TTN: variants seen among roughly 807,000 people sequenced by gnomAD.
The protein encoded by TTN is connectin.
Under a neutral mutation model 3,223.0 loss-of-function variants are expected in TTN, and 1,525 were observed. That is an observed-to-expected ratio of 0.47 (90% CI 0.45 to 0.49). The LOEUF is 0.49. Ranked by LOEUF, TTN falls within the 20% of genes least tolerant of loss-of-function variation. TTN has a pLI of 0.00. For synonymous variants in TTN, 14,094 were observed against 15,161.0 expected (o/e 0.93, Z 5.17); for missense variants, 40,786 against 43,424.0 (o/e 0.94, Z 5.40).
Position 178,602,318 on chromosome 2 carries a change from C to G in TTN, c.55084G>C (p.Asp18362His), listed in dbSNP as rs1467267606. Residue 18362 changes from aspartate (D) to histidine (H), a missense_variant, in exon 283 of 363, where the codon GAT (aspartate) becomes CAT (histidine). Transcript: ENST00000589042. ...VNEAGESEPS[D>H]TTGEIPATDI... Reference sequence around the variant, plus strand: ...GTGGCAGGGATCTCCCCAGTTGTATCACTTGGTTCAGATTCACCAGCTTCA... The same window carrying G: ...GTGGCAGGGATCTCCCCAGTTGTATGACTTGGTTCAGATTCACCAGCTTCA... 1.2e-6 allele frequency: 2 copies of G among 1,612,876 alleles called. No homozygotes were observed. The highest frequency in any genetic ancestry group is 2.2e-5 in the South Asian group (2 of 91,036).
intron 159 of TTN, among the ~76,000 whole-genome samples, chr2:178,668,776 T>G (rs997410703): frequency 5.9e-5 from 9 of 151,932 alleles, no homozygotes; most frequent in Non-Finnish European, 1.0e-4. Context: ...TACTGTCACT[T>G]TTACTATTCA....
chr2:178,717,497 T>C (rs2077665954), intron 87 of TTN, 26 bp downstream of exon 87: 3 of 1,572,628 alleles, frequency 1.9e-6, no homozygotes, highest in Admixed American at 1.8e-5. Flanking sequence ...TGCTTTACAA[T>C]GAAGAGGGTA....
intron 330 of TTN, chr2:178,555,447 T>C (rs1396074010): frequency 6.7e-6 from 2 of 297,862 alleles, no homozygotes; most frequent in Non-Finnish European, 1.2e-5. Flanking sequence ...GAGAACATCA[T>C]GGAAGAAGCT....
Position 178,722,550 on chromosome 2 carries a change from T to C in TTN, c.22241-4A>G. 1 of 1,609,114 alleles carries C rather than the reference T, an allele frequency of 6.2e-7. No homozygotes were observed. The highest frequency in any genetic ancestry group is 8.5e-7 in the Non-Finnish European group (1 of 1,177,146). On this transcript the variant is annotated splice_polypyrimidine_tract_variant and splice_region_variant and intron_variant, in intron 76 of 362. Coordinates refer to ENST00000589042, the MANE Select transcript of TTN (RefSeq NM_001267550.2). ...AAAGAAGGTGGGAGTTGGCGCTCTGTAGGGAGACATGTAATACTTAAGGTG... is the reference window on the plus strand; with the variant it reads ...AAAGAAGGTGGGAGTTGGCGCTCTGCAGGGAGACATGTAATACTTAAGGTG...
At position 178,649,812 on chromosome 2, in the gene TTN, A is replaced by G. The variant is rs1371164641; in HGVS notation, c.39895+5T>C. 1 of 1,611,306 alleles carries G rather than the reference A, an allele frequency of 6.2e-7. No homozygotes were observed. The highest frequency in any genetic ancestry group is 1.7e-5 in the Admixed American group (1 of 59,436). The stretch of plus-strand genomic sequence containing the variant: ...AAAATGAAGTATTCATTTTAACATG[A>G]GTACCTTTAGGAGGCGGTGCTTCTG... On this transcript the variant is annotated splice_donor_5th_base_variant and intron_variant, in intron 211 of 362. Transcript: ENST00000589042.
chr2:178,800,257 G>A, intron 4 of TTN, 138 bp downstream of exon 4: 1 of 1,122,034 alleles, frequency 8.9e-7, no homozygotes, highest in East Asian at 2.4e-5. Context: ...CTTTTCATGG[G>A]TGTCGAAAAG....
At chr2:178,666,615 G>A (rs896480935) in intron 163 of TTN, among the ~76,000 whole-genome samples, 3 of 152,106 alleles carry the variant, frequency 2.0e-5, no homozygotes, top group Non-Finnish European at 2.9e-5. Flanking sequence ...TCTTTCATGT[G>A]TATAAGCTAA....
In TTN at chr2:178,592,063, G is replaced by T. The variant is rs1413760246; in HGVS notation, c.59841C>A (p.Tyr19947Ter). 1 of 1,613,052 alleles carries T rather than the reference G, an allele frequency of 6.2e-7. No individual in the cohort carries two copies. Among genetic ancestry groups the T allele is most frequent in the East Asian group, 2.2e-5 (1 of 44,614 alleles). Residue 19947 changes from tyrosine (Y) to a stop codon, truncating the protein, a stop_gained, in exon 302 of 363, where the codon TAC becomes TAA. Coordinates refer to ENST00000589042, the MANE Select transcript of TTN (RefSeq NM_001267550.2). LOFTEE classifies it high-confidence loss of function. The part of the protein sequence containing the change: ...FAKHLNEGNQ[Y>*]LFRVAAENQY... ...GGTTCTCCGCAGCTACTCGGAAGAG[G>T]TACTGGTTGCCTTCATTCAGATGCT...
In TTN at chr2:178,539,813, A is replaced by G. The variant is rs746586029; in HGVS notation, c.98252T>C (p.Ile32751Thr). The stretch of plus-strand genomic sequence containing the variant: ...CTCAGTGTGTGTTTCAGATGTTGCA[A>G]TCATGGCACGCTTACTAATATCCTG... The part of the protein sequence containing the change: ...EGQDISKRAM[I>T]ATSETHTELV... The change falls in exon 352 of 363, where the codon ATT becomes ACT. Residue 32751 changes from isoleucine to threonine, a missense_variant. Coordinates refer to ENST00000589042, the MANE Select transcript of TTN (RefSeq NM_001267550.2). 3.7e-5 allele frequency: 60 copies of G among 1,613,696 alleles called. No individual in the cohort carries two copies. The highest frequency in any genetic ancestry group is 5.3e-5 in the African/African-American group (4 of 74,894).
intron 62 of TTN, 72 bp downstream of exon 62, chr2:178,730,021 T>TCCCCCCCCCCCCCCCCCCCC: frequency 6.4e-7 from 1 of 1,558,146 alleles, no homozygotes. Flanking sequence ...GTCTTAAGCG[T>TCCCCCCCCCCCCCCCCCCCC]CCCCCGCCCC....
rs774116128 is a variant in TTN at position 178,793,442 on chromosome 2, T to A, written c.1498A>T (p.Thr500Ser). 9 of 1,614,164 alleles carry A rather than the reference T, an allele frequency of 5.6e-6. No individual in the cohort carries two copies. Among genetic ancestry groups the A allele is most frequent in the Non-Finnish European group, 7.6e-6 (9 of 1,180,008 alleles). Residue 500 changes from threonine (T) to serine (S), a missense_variant, in exon 9 of 363, where the codon ACC becomes TCC. Transcript: ENST00000589042. The part of the protein sequence containing the change: ...ELKSRTKEVI[T>S]TKQEQMHVTH... ...ACGTGCATCTGCTCTTGCTTTGTGG[T>A]AATTACTTCTTTGGTTCTTGATTTT... is the stretch of plus-strand genomic sequence containing the variant.
At chr2:178,551,281 T>C (rs1367045690) in intron 335 of TTN, 21 bp from the exon 336 acceptor site, 3 of 1,596,126 alleles carry the variant, frequency 1.9e-6, no homozygotes, top group South Asian at 1.1e-5. Flanking sequence ...ATAAGGAAGG[T>C]AAATGCATCA....
Position 178,785,733 on chromosome 2 carries a change from T to G in TTN, c.2380A>C (p.Thr794Pro). ...GMHISSQIKKTTDLTTERLVH... is the reference protein window; with the variant it reads ...GMHISSQIKKPTDLTTERLVH... ...AATCTTTCCGTTGTTAGATCTGTAG[T>G]TTTCTTGATCTGCATTGAAATGAAA... The change falls in exon 15 of 363, where the codon ACT becomes CCT. Residue 794 changes from threonine (T) to proline (P), a missense_variant. Thr to Pro is a conservative substitution (Grantham distance 38). Transcript: ENST00000589042. 3 of 1,614,172 alleles carry G rather than the reference T, an allele frequency of 1.9e-6. No individual in the cohort carries two copies. Among genetic ancestry groups the G allele is most frequent in the Non-Finnish European group, 2.5e-6 (3 of 1,180,006 alleles).
At chr2:178,621,073 A>G (rs1576554206) in intron 246 of TTN, 29 bp downstream of exon 246, 1 of 1,607,738 alleles carries the variant, frequency 6.2e-7, no homozygotes, top group Non-Finnish European at 8.5e-7. Flanking sequence ...CAAACAAACA[A>G]AAAACCCTAA....
Position 178,557,267 on chromosome 2 carries a change from G to A in TTN, c.87995C>T (p.Ala29332Val). ...CAAATACGTACCACAAGCATCAATT[G>A]CCAAGACTGGTTCAGAAGGATGGCT... ...KPSHPSEPVL[A>V]IDACEPPRNV... Residue 29332 changes from alanine (A) to valine (V), a missense_variant, in exon 329 of 363, where the codon GCA (alanine) becomes GTA (valine). Coordinates refer to ENST00000589042, the MANE Select transcript of TTN (RefSeq NM_001267550.2). 1 of 1,613,832 alleles carries A rather than the reference G, an allele frequency of 6.2e-7. No homozygotes were observed.
rs2071380560 is a variant in TTN, at chr2:178,688,169, T to G, written c.32253A>C (p.Ser10751=). ...CCTCTCTTTCTTCTTCTCTATAAAC[T>G]GAAATGGACACACCTTCCTCCTCTT... The part of the protein sequence containing the change: ...YSEEEEGVSI[S]VYREEEREEE... The change falls in exon 127 of 363, where the codon TCA becomes TCC. Residue 10751 remains serine (S), a synonymous_variant. Coordinates refer to ENST00000589042, the MANE Select transcript of TTN (RefSeq NM_001267550.2). 1.2e-6 allele frequency: 2 copies of G among 1,613,064 alleles called. No homozygotes were observed. Among genetic ancestry groups the G allele is most frequent in the African/African-American group, 2.7e-5 (2 of 75,048 alleles).
intron 46 of TTN, chr2:178,753,849 C>A (rs901590296): frequency 1.3e-5 from 2 of 152,056 alleles, no homozygotes; most frequent in Non-Finnish European, 2.9e-5. Context: ...CAGTTTCTTA[C>A]GGTTTTTGGC....
chr2:178,608,788 T>G lies in TTN; in HGVS notation c.52223A>C (p.Lys17408Thr), dbSNP rs876658066. 5.6e-6 allele frequency: 9 copies of G among 1,612,690 alleles called. No homozygotes were observed. The highest frequency in any genetic ancestry group is 7.6e-6 in the Non-Finnish European group (9 of 1,179,236). ...GSEIINYTLE[K>T]KDKTKPDSEW... ...TGAGTCGGGTTTTGTCTTGTCTTTC[T>G]TTTCCAAAGTGTAGTTTATGATTTC... The change falls in exon 274 of 363, where the codon AAG becomes ACG. Residue 17408 changes from lysine to threonine, a missense_variant. Transcript: ENST00000589042.
intron 47 of TTN, chr2:178,749,859 A>ATAT: frequency 3.7e-6 from 6 of 1,613,014 alleles, no homozygotes; most frequent in Non-Finnish European, 5.1e-6. Flanking sequence ...CCAGATATTA[A>ATAT]ACATTCAAGA....
Sources: gnomAD v4.1 joint callset for allele counts (sites outside exome capture counted in the v4.1 genomes callset) on GRCh38, gnomAD v4.1.1 for gene constraint, MANE v1.5 for transcripts, NCBI Gene and HGNC (gene_info 2026-07-23, HGNC 2026-07-21) for gene names.